Variants in ISLR2 observed in about 807,000 individuals in gnomAD.
ISLR2 encodes the protein immunoglobulin superfamily containing leucine rich repeat 2, also known as immunoglobulin superfamily containing leucine-rich repeat protein 2.
ISLR2 carries 16 observed loss-of-function variants against 25.5 expected under a neutral mutation model. The ratio of observed to expected loss-of-function variants is 0.63; its 90% CI spans 0.43 to 0.95. ISLR2 has a LOEUF of 0.95. Ranked by LOEUF, ISLR2 falls within the 40% of genes least tolerant of loss-of-function variation. The probability of loss-of-function intolerance (pLI) is 0.00; values close to 1 mark genes in which losing one functional copy is unlikely to be tolerated. For missense variants in ISLR2, 883 were observed against 1,030.7 expected, an observed-to-expected ratio of 0.86 and a Z score of 1.96; for synonymous variants, 508 against 486.6, an observed-to-expected ratio of 1.04 and a Z score of -0.58.
chr15:74,115,870 G>C (rs2072205926), intron 2 of ISLR2, among the ~76,000 whole-genome samples: 1 of 143,528 alleles, frequency 7.0e-6, no homozygotes, highest in Non-Finnish European at 1.5e-5. Context: ...ATGATGAGAA[G>C]AGAGAAATAG....
intron 2 of ISLR2, among the ~76,000 whole-genome samples, chr15:74,111,148 A>AC (rs908463782): frequency 1.3e-5 from 2 of 151,536 alleles, no homozygotes; most frequent in Non-Finnish European, 2.9e-5. Context: ...TAAAAAAAAA[A>AC]AAAAAAAAAA....
intron 2 of ISLR2, among the ~76,000 whole-genome samples, chr15:74,122,315 G>A (rs552928950): frequency 4.1e-4 from 62 of 152,354 alleles, no homozygotes; most frequent in Admixed American, 1.7e-3. Context: ...CCTAAGGTGG[G>A]TGCAGACTTC....
intron 2 of ISLR2, among the ~76,000 whole-genome samples, chr15:74,104,196 C>A (rs1177986704): frequency 6.6e-6 from 1 of 152,242 alleles, no homozygotes; most frequent in South Asian, 2.1e-4. Context: ...GTGATTTTGC[C>A]GCCCTGGGGA....
intron 2 of ISLR2, among the ~76,000 whole-genome samples, chr15:74,111,330 G>C (rs1403475222): frequency 2.0e-5 from 3 of 151,792 alleles, no homozygotes; most frequent in African/African-American, 7.3e-5. Context: ...TCTCACTCTG[G>C]CCCTACTGGA....
intron 2 of ISLR2, among the ~76,000 whole-genome samples, chr15:74,106,253 G>A (rs2072118827): frequency 6.6e-6 from 1 of 152,132 alleles, no homozygotes; most frequent in African/African-American, 2.4e-5. Context: ...CAAGACTGGT[G>A]AGGCCTTACT....
chr15:74,130,842 G>T (rs1367271997), intron 1 of ISLR2, among the ~76,000 whole-genome samples: 1 of 152,064 alleles, frequency 6.6e-6, no homozygotes, highest in Non-Finnish European at 1.5e-5. Flanking sequence ...GGGGGAGGTG[G>T]TGTGATCAGG....
At position 74,132,025 on chromosome 15, in the gene ISLR2, C is replaced by T. The variant is rs551047343; in HGVS notation, c.-9+709C>T. On this transcript the variant is annotated intron_variant, in intron 2 of 2. Coordinates refer to ENST00000453268, the MANE Select transcript of ISLR2 (RefSeq NM_020851.3). The surrounding 1 kb of genome is among the most constrained non-coding windows in gnomAD (Gnocchi z 4.3). ...CTGTGTTCTTGTGGGTGGGTCGGTT[C>T]GTGTGAGGACTTGTGTCCTTGTGTC... The T allele has an allele frequency of 4.6e-5, 7 of 152,326 alleles. No homozygotes were observed. The highest frequency in any genetic ancestry group is 8.8e-5 in the Non-Finnish European group (6 of 68,088). The allele number at this position is 152,326 out of a possible 1,614,324, so 9.4% of individuals were successfully genotyped here.
chr15:74,137,947 T>C (rs543473218), downstream of ISLR2, among the ~76,000 whole-genome samples: 28 of 152,278 alleles, frequency 1.8e-4, no homozygotes, highest in Admixed American at 4.6e-4. Flanking sequence ...TTCTTTCTTT[T>C]TTTTTTATTT....
rs1296086259 is a variant in ISLR2, at chr15:74,122,852, TGGA to T, written n.229-8341_229-8339del. On this transcript the variant is annotated intron_variant and non_coding_transcript_variant, in intron 2 of 3. Transcript: ENST00000561975. ...CCCCAGGAGCTTTGAGTCTGGGGGATGGAGGAGGAGGAGGAGACTCTGGGCCAG... is the reference window on the plus strand; with the variant it reads ...CCCCAGGAGCTTTGAGTCTGGGGGATGGAGGAGGAGGAGACTCTGGGCCAG... Among the ~76,000 whole-genome samples, 4 of 151,758 alleles carry T rather than the reference TGGA, an allele frequency of 2.6e-5. No individual in the cohort carries two copies. The East Asian group carries it at 5.8e-4, about 22-fold the overall frequency.
chr15:74,136,352 C>G lies in ISLR2; in HGVS notation c.*1360C>G, dbSNP rs2072565295. On this transcript the variant is annotated 3_prime_UTR_variant, in exon 3 of 3. Transcript: ENST00000453268. ...GGCTCGCGCCCTAGTTCGCACAAAG[C>G]CTGCTCGTGACTGTGCGACTGTGCG... 1 of 164,984 alleles carries G rather than the reference C, an allele frequency of 6.1e-6. No homozygotes were observed. The highest frequency in any genetic ancestry group is 2.4e-5 in the African/African-American group (1 of 41,474). 10.2% of individuals were successfully genotyped at this position (164,984 alleles called of 1,614,324 possible). A position where few individuals can be genotyped will look rare whatever the true frequency, so the allele number is the denominator to read the frequency against.
rs2072454222 is a variant in ISLR2 at position 74,132,833 on chromosome 15, G to A, written c.79G>A (p.Val27Met). 1 of 1,614,112 alleles carries A rather than the reference G, an allele frequency of 6.2e-7. No individual in the cohort carries two copies. The highest frequency in any genetic ancestry group is 1.7e-5 in the Admixed American group (1 of 60,032). ...ATCATGCCCGGAGCCGTGCGCCTGCGTGGACAAGTACGCTCACCAGTTCGC... is the reference window on the plus strand; with the variant it reads ...ATCATGCCCGGAGCCGTGCGCCTGCATGGACAAGTACGCTCACCAGTTCGC... ...AGSCPEPCAC[V>M]DKYAHQFADC... Residue 27 changes from valine to methionine, a missense_variant, in exon 3 of 3, where the codon GTG becomes ATG. This residue lies in a region of ISLR2 where 271 missense variants were observed against 387.9 expected (regional missense o/e 0.70). Coordinates refer to ENST00000453268, the MANE Select transcript of ISLR2 (RefSeq NM_020851.3). This position sits in a 1 kb window ranked among gnomAD's most constrained non-coding sequence, Gnocchi z 4.3.
At chr15:74,114,712 CT>C (rs2072197605) in intron 2 of ISLR2, among the ~76,000 whole-genome samples, 1 of 151,992 alleles carries the variant, frequency 6.6e-6, no homozygotes, top group African/African-American at 2.4e-5. Flanking sequence ...CCTTGAACAA[CT>C]AGAAAAATGG....
intron 2 of ISLR2, among the ~76,000 whole-genome samples, chr15:74,119,021 A>G (rs1437005547): frequency 6.6e-6 from 1 of 152,118 alleles, no homozygotes; most frequent in Non-Finnish European, 1.5e-5. Flanking sequence ...TAGTATTTTT[A>G]TACATATGTA....
chr15:74,118,960 T>G (rs1035722519), intron 2 of ISLR2, among the ~76,000 whole-genome samples: 2 of 151,746 alleles, frequency 1.3e-5, no homozygotes, highest in African/African-American at 4.8e-5. Flanking sequence ...CCTGGCCTGC[T>G]TTTATTATTT....
intron 2 of ISLR2, among the ~76,000 whole-genome samples, chr15:74,104,692 T>C (rs1343677780): frequency 6.6e-6 from 1 of 152,102 alleles, no homozygotes; most frequent in Non-Finnish European, 1.5e-5. Flanking sequence ...GAGTATCGCT[T>C]GAGCCCAGGA....
intron 2 of ISLR2, among the ~76,000 whole-genome samples, chr15:74,122,062 C>T (rs1453396338): frequency 6.6e-6 from 1 of 152,206 alleles, no homozygotes; most frequent in Non-Finnish European, 1.5e-5. Context: ...CTGTCGAGGC[C>T]ACACCTGCCC....
At chr15:74,113,876 T>C (rs2072190130) in intron 2 of ISLR2, among the ~76,000 whole-genome samples, 1 of 152,224 alleles carries the variant, frequency 6.6e-6, no homozygotes, top group Non-Finnish European at 1.5e-5. Flanking sequence ...CAGCTCCCCA[T>C]CAGCTGTTCT....
chr15:74,123,761 C>T (rs1354597444), upstream of ISLR2, among the ~76,000 whole-genome samples: 1 of 152,142 alleles, frequency 6.6e-6, no homozygotes, highest in Non-Finnish European at 1.5e-5. Flanking sequence ...CATAAATATC[C>T]GACTAAAGAC....
rs761984170 is a variant in ISLR2, at chr15:74,134,672, C to A, written c.1918C>A (p.Arg640Ser). The A allele has an allele frequency of 1.6e-5, 26 of 1,614,012 alleles. No homozygotes were observed. The highest frequency in any genetic ancestry group is 1.3e-4 in the Admixed American group (8 of 60,008). ...TCAGGCCCCTGACCCTATGGAGAAG[C>A]GCATCGCCGCAGACTTCGACCCGCG... is the stretch of plus-strand genomic sequence containing the variant. ...RPQAPDPMEK[R>S]IAADFDPRAS... is the part of the protein sequence containing the mutation. Residue 640 changes from arginine (R) to serine (S), a missense_variant, in exon 3 of 3, where the codon CGC becomes AGC. By Grantham distance (110) the Arg-to-Ser change is moderately radical (BLOSUM62 -1). This residue lies in a region of ISLR2 where 612 missense variants were observed against 642.8 expected (regional missense o/e 0.95). Coordinates refer to ENST00000453268, the MANE Select transcript of ISLR2 (RefSeq NM_020851.3).
Sources: allele counts gnomAD v4.1 joint callset (sites outside exome capture counted in the v4.1 genomes callset), GRCh38; gene constraint gnomAD v4.1.1; regional missense constraint gnomAD v4.1.1; non-coding constraint Gnocchi (gnomAD v3.1); transcripts MANE v1.5; gene names NCBI Gene and HGNC (gene_info 2026-07-23, HGNC 2026-07-21).